Variants in FAM227B observed in about 807,000 individuals in gnomAD.
FAM227B encodes the protein protein FAM227B.
In FAM227B, 88 loss-of-function variants were observed where a neutral mutation model predicts 73.8. The ratio of observed to expected loss-of-function variants is 1.19; its 90% CI spans 1.00 to 1.42. FAM227B has a LOEUF of 1.42. FAM227B is among the 40% of genes most tolerant of loss of function. FAM227B has a pLI of 0.00. For missense variants in FAM227B, 632 were observed against 590.9 expected, an observed-to-expected ratio of 1.07 and a Z score of -0.72; for synonymous variants, 210 against 190.5, an observed-to-expected ratio of 1.10 and a Z score of -0.84.
chr15:49,477,429 C>A (rs2055446997), intron 11 of FAM227B, among the ~76,000 whole-genome samples: 2 of 152,174 alleles, frequency 1.3e-5, no homozygotes, highest in Admixed American at 1.3e-4. Flanking sequence ...TGGAATCATA[C>A]AGTATGTGGC....
At chr15:49,518,998 T>C (rs1167896866) in intron 10 of FAM227B, among the ~76,000 whole-genome samples, 2 of 152,228 alleles carry the variant, frequency 1.3e-5, no homozygotes, top group Non-Finnish European at 2.9e-5. Context: ...AAAATGCGGG[T>C]ACAGGCATTT....
chr15:49,367,367 C>A (rs981558956), intron 13 of FAM227B, 81 bp downstream of exon 13: 2 of 1,213,172 alleles, frequency 1.6e-6, no homozygotes, highest in Admixed American at 5.5e-5. Context: ...CAATTTGTTT[C>A]TCAATTGAGA....
chr15:49,592,102 TG>T (rs1219738078), intron 3 of FAM227B, among the ~76,000 whole-genome samples: 1 of 152,162 alleles, frequency 6.6e-6, no homozygotes, highest in African/African-American at 2.4e-5. Context: ...TTCCTTGCGA[TG>T]GGTTAGAACA....
At chr15:49,534,127 G>T (rs942447084) in intron 10 of FAM227B, among the ~76,000 whole-genome samples, 1 of 151,746 alleles carries the variant, frequency 6.6e-6, no homozygotes, top group Admixed American at 6.6e-5. Flanking sequence ...ACACTCACAG[G>T]AAGTAATCAT....
chr15:49,611,348 T>C (rs1377560053), intron 2 of FAM227B, 80 bp from the exon 3 acceptor site: 6 of 711,390 alleles, frequency 8.4e-6, no homozygotes, highest in South Asian at 2.1e-5. Context: ...TTTACTTAAA[T>C]AAAATGATAC....
intron 11 of FAM227B, among the ~76,000 whole-genome samples, chr15:49,389,378 C>T (rs1288921536): frequency 2.0e-5 from 3 of 151,972 alleles, no homozygotes; most frequent in African/African-American, 7.2e-5. Context: ...TGAAGTAACA[C>T]AGGAGTGGAA....
chr15:49,379,080 G>C (rs2151511790), intron 11 of FAM227B, among the ~76,000 whole-genome samples: 1 of 152,128 alleles, frequency 6.6e-6, no homozygotes, highest in Admixed American at 6.5e-5. Context: ...TCATTTTGTT[G>C]ATATGATGTA....
chr15:49,573,948 A>C (rs1337044631), intron 8 of FAM227B, among the ~76,000 whole-genome samples: 3 of 152,106 alleles, frequency 2.0e-5, no homozygotes, highest in Non-Finnish European at 4.4e-5. Flanking sequence ...GTTTTGAAGC[A>C]TTTTTATTAG....
intron 3 of FAM227B, among the ~76,000 whole-genome samples, chr15:49,594,249 C>A (rs1224227937): frequency 1.3e-5 from 2 of 151,910 alleles, no homozygotes; most frequent in African/African-American, 4.8e-5. Flanking sequence ...CTATTCATAT[C>A]CTTAGCCCAC....
intron 11 of FAM227B, among the ~76,000 whole-genome samples, chr15:49,498,028 T>A (rs2057778383): frequency 6.6e-6 from 1 of 152,234 alleles, no homozygotes; most frequent in Non-Finnish European, 1.5e-5. Context: ...CCTCATCTAT[T>A]AAAATTTAAT....
chr15:49,525,848 G>T (rs936266862), intron 10 of FAM227B, among the ~76,000 whole-genome samples: 1 of 150,214 alleles, frequency 6.7e-6, no homozygotes, highest in Non-Finnish European at 1.5e-5. Context: ...AATTCAACAA[G>T]ATTTAACGAT....
At chr15:49,396,997 G>C (rs1278026761) in intron 11 of FAM227B, among the ~76,000 whole-genome samples, 1 of 152,234 alleles carries the variant, frequency 6.6e-6, no homozygotes, top group Non-Finnish European at 1.5e-5. Context: ...GCTGGATGGA[G>C]AATGATTTTG....
In FAM227B at chr15:49,511,441, A is replaced by G. The variant is rs545236473; in HGVS notation, c.875-3093T>C. Among the ~76,000 whole-genome samples the G allele has an allele frequency of 3.3e-5, 5 of 152,212 alleles. No individual in the cohort carries two copies. In the South Asian group the frequency reaches 8.3e-4, roughly 25 times the overall value. On this transcript the variant is annotated intron_variant, in intron 10 of 15. Coordinates refer to ENST00000299338, the MANE Select transcript of FAM227B (RefSeq NM_152647.3). ...CTTTGAAGATTGAGTTAGTAGGCAC[A>G]TATTTCTTATTTTATTTTTTCATTA...
At position 49,380,634 on chromosome 15, in the gene FAM227B, T is replaced by C. The variant is rs2046462990; in HGVS notation, c.1013-9235A>G. ...CATGCCATTAAAATCAGGGACAAAGTTTGGATTCTTTCTATGGTAGTTATG... is the reference window on the plus strand; with the variant it reads ...CATGCCATTAAAATCAGGGACAAAGCTTGGATTCTTTCTATGGTAGTTATG... On this transcript the variant is annotated intron_variant, in intron 11 of 15. Transcript: ENST00000299338. Among the ~76,000 whole-genome samples the C allele has an allele frequency of 1.3e-5, 2 of 152,178 alleles. 1 individual carries two copies. Among genetic ancestry groups the C allele is most frequent in the African/African-American group, 4.8e-5 (2 of 41,430 alleles).
chr15:49,331,887 T>C (rs759481369), intron 14 of FAM227B, 38 bp from the exon 15 acceptor site: 9 of 1,232,886 alleles, frequency 7.3e-6, no homozygotes, highest in Admixed American at 5.1e-5. Flanking sequence ...ACCAAACTAA[T>C]TGTCCTTATA....
intron 10 of FAM227B, among the ~76,000 whole-genome samples, chr15:49,523,600 A>C (rs2152185364): frequency 6.6e-6 from 1 of 152,368 alleles, no homozygotes; most frequent in Admixed American, 6.5e-5. Context: ...TGCTGCTAAA[A>C]AGATACCAAA....
intron 9 of FAM227B, among the ~76,000 whole-genome samples, chr15:49,554,306 A>G (rs2073396357): frequency 6.6e-6 from 1 of 152,026 alleles, no homozygotes. Flanking sequence ...GCCCCTACTG[A>G]TGTGTCACTA....
chr15:49,495,406 TTA>T (rs2057511930), intron 11 of FAM227B, among the ~76,000 whole-genome samples: 2 of 152,320 alleles, frequency 1.3e-5, no homozygotes, highest in African/African-American at 4.8e-5. Context: ...ACTCTGTGCC[TTA>T]TGTTATTCAC....
At chr15:49,340,403 G>GCCCCCCCCCCCCCCCCCCCC (rs373386438) in intron 13 of FAM227B, among the ~76,000 whole-genome samples, 8 of 94,376 alleles carry the variant, frequency 8.5e-5, no homozygotes, top group Non-Finnish European at 1.1e-4. Flanking sequence ...GCAGTGCCCC[G>GCCCCCCCCCCCCCCCCCCCC]CCCCCCCCCT....
Sources: allele counts gnomAD v4.1 joint callset (sites outside exome capture counted in the v4.1 genomes callset), GRCh38; gene constraint gnomAD v4.1.1; transcripts MANE v1.5; gene names NCBI Gene and HGNC (gene_info 2026-07-23, HGNC 2026-07-21).